VAPB: variants seen among roughly 807,000 people sequenced by gnomAD.
VAPB encodes vesicle-associated membrane protein-associated protein B/C.
VAPB carries 7 observed loss-of-function variants against 25.6 expected under a neutral mutation model. That is an observed-to-expected ratio of 0.27 (90% confidence interval 0.16 to 0.51). The LOEUF is 0.51. VAPB is among the 20% of genes least tolerant of loss of function. The probability of loss-of-function intolerance (pLI) is 0.97; values close to 1 mark genes in which losing one functional copy is unlikely to be tolerated. For synonymous variants in VAPB, 112 were observed against 109.2 expected (o/e 1.03, Z -0.16); for missense variants, 266 against 301.3 (o/e 0.88, Z 0.87).
intron 3 of VAPB, among the ~76,000 whole-genome samples, chr20:58,437,345 T>C (rs1164776242): frequency 6.6e-6 from 1 of 152,202 alleles, no homozygotes; most frequent in African/African-American, 2.4e-5. Context: ...ATTTATTTGA[T>C]TATTTCCTCA....
chr20:58,417,800 T>C (rs1988577072), intron 1 of VAPB, among the ~76,000 whole-genome samples: 1 of 152,234 alleles, frequency 6.6e-6, no homozygotes. Context: ...TTTCATATTG[T>C]TACTGTGGAA....
At chr20:58,426,881 A>T (rs939874324) in intron 2 of VAPB, among the ~76,000 whole-genome samples, 5 of 152,072 alleles carry the variant, frequency 3.3e-5, no homozygotes, top group African/African-American at 1.2e-4. Flanking sequence ...TTGTGAGATT[A>T]AAAAAAAGTG....
chr20:58,415,587 CA>C (rs764915529), intron 1 of VAPB, among the ~76,000 whole-genome samples: 65 of 152,208 alleles, frequency 4.3e-4, no homozygotes, highest in East Asian at 3.3e-3. Context: ...AGAGACACAT[CA>C]TTTTTTTTTA....
intron 1 of VAPB, among the ~76,000 whole-genome samples, chr20:58,390,672 GCACCGGACT>G (rs1401396033): frequency 9.8e-5 from 15 of 152,316 alleles, no homozygotes; most frequent in Admixed American, 1.3e-4. Flanking sequence ...TATATCGCTA[GCACCGGACT>G]CACAGTAGAT....
chr20:58,429,510 TG>T (rs1194359432), intron 2 of VAPB, among the ~76,000 whole-genome samples: 1 of 152,238 alleles, frequency 6.6e-6, no homozygotes, highest in Non-Finnish European at 1.5e-5. Flanking sequence ...GGCCTGGAGC[TG>T]TGCTGGTGAC....
At chr20:58,428,396 A>G (rs921728220) in intron 2 of VAPB, among the ~76,000 whole-genome samples, 2 of 152,242 alleles carry the variant, frequency 1.3e-5, no homozygotes, top group African/African-American at 2.4e-5. Context: ...CTTTATCATC[A>G]GTATTCACTT....
chr20:58,445,932 A>G lies in VAPB; in HGVS notation c.*1697A>G. On this transcript the variant is annotated 3_prime_UTR_variant, in exon 6 of 6. Transcript: ENST00000475243. ...GGTTTGAGAGGACAAGTTCATCAGA[A>G]GGAAGGCAGTCCTTAGAAGTCACAT... 2.2e-6 allele frequency: 1 copy of G among 454,092 alleles called. No homozygotes were observed. Among genetic ancestry groups the G allele is most frequent in the Non-Finnish European group, 4.4e-6 (1 of 226,784 alleles). The allele number at this position is 454,092 out of a possible 1,614,324, so 28.1% of individuals were successfully genotyped here. A position where few individuals can be genotyped will look rare whatever the true frequency, so the allele number is the denominator to read the frequency against.
At chr20:58,410,954 C>T (rs1988363636) in intron 1 of VAPB, among the ~76,000 whole-genome samples, 1 of 152,148 alleles carries the variant, frequency 6.6e-6, no homozygotes, top group Admixed American at 6.5e-5. Context: ...AATGCTTCTG[C>T]ATTTTGGCAG....
chr20:58,401,061 T>C (rs1988085586), intron 1 of VAPB, among the ~76,000 whole-genome samples: 1 of 152,226 alleles, frequency 6.6e-6, no homozygotes, highest in African/African-American at 2.4e-5. Flanking sequence ...CTAACCTCGC[T>C]CAGAGAAAAG....
chr20:58,410,188 C>T (rs1043316772), intron 1 of VAPB, among the ~76,000 whole-genome samples: 1 of 152,146 alleles, frequency 6.6e-6, no homozygotes, highest in African/African-American at 2.4e-5. Flanking sequence ...CTGAGAGGTA[C>T]ATTGGTTACC....
At chr20:58,421,066 G>C (rs1348545275) in intron 2 of VAPB, among the ~76,000 whole-genome samples, 1 of 152,184 alleles carries the variant, frequency 6.6e-6, no homozygotes, top group African/African-American at 2.4e-5. Context: ...GGCCAAGCTT[G>C]GTTTTACCCA....
At chr20:58,415,484 A>T (rs1486936459) in intron 1 of VAPB, among the ~76,000 whole-genome samples, 1 of 152,174 alleles carries the variant, frequency 6.6e-6, no homozygotes, top group Non-Finnish European at 1.5e-5. Flanking sequence ...CCCATTTCAC[A>T]TTTTAGATGC....
chr20:58,420,349 C>T (rs867073279), intron 2 of VAPB, among the ~76,000 whole-genome samples: 8 of 152,286 alleles, frequency 5.3e-5, no homozygotes, highest in South Asian at 2.1e-4. Flanking sequence ...AAAGTAAAAG[C>T]GAACTCTGCC....
chr20:58,437,547 C>G (rs191913930), intron 3 of VAPB, among the ~76,000 whole-genome samples: 76 of 152,332 alleles, frequency 5.0e-4, no homozygotes, highest in Non-Finnish European at 9.4e-4. Flanking sequence ...TCTGAGTCAT[C>G]TGATACTTTG....
In VAPB at chr20:58,395,687, C is replaced by A. The variant is rs186761996; in HGVS notation, c.58+6170C>A. 2.6e-5 allele frequency among the ~76,000 whole-genome samples: 4 copies of A among 152,272 alleles called. No homozygotes were observed. The East Asian group carries it at 5.8e-4, about 22-fold the overall frequency. On this transcript the variant is annotated intron_variant, in intron 1 of 5. Coordinates refer to ENST00000475243, the MANE Select transcript of VAPB (RefSeq NM_004738.5). The stretch of plus-strand genomic sequence containing the variant: ...AAAAACAAAGTTGCATTATGGTTTC[C>A]AGATTGGCATCCTTGTTTTTTTCTA...
In VAPB at chr20:58,447,509, C is replaced by T. The variant is rs553170533; in HGVS notation, c.*3274C>T. On this transcript the variant is annotated 3_prime_UTR_variant, in exon 6 of 6. Transcript: ENST00000475243. ...CTCCAGTGATCCGTGAAAACCTAAA[C>T]GCTTTCAAACAAATCCCAGGAACAG... 1.3e-3 allele frequency: 582 copies of T among 454,084 alleles called. No homozygotes were observed. The highest frequency in any genetic ancestry group is 2.0e-3 in the Non-Finnish European group (454 of 226,784). 28.1% of individuals were successfully genotyped at this position (454,084 alleles called of 1,614,324 possible).
At chr20:58,427,920 G>C (rs4811994) in intron 2 of VAPB, among the ~76,000 whole-genome samples, 3,342 of 53,218 alleles carry the variant, frequency 0.063, 839 homozygotes, top group East Asian at 0.18. Context: ...ATGATGCAGG[G>C]GAAAGTGATC....
intron 1 of VAPB, among the ~76,000 whole-genome samples, chr20:58,394,384 G>A (rs77203668): frequency 6.6e-6 from 1 of 152,248 alleles, no homozygotes; most frequent in Non-Finnish European, 1.5e-5. Context: ...TTATCTTTCA[G>A]ATGCCAAGTA....
At chr20:58,417,674 A>G (rs917885087) in intron 1 of VAPB, among the ~76,000 whole-genome samples, 36 of 152,194 alleles carry the variant, frequency 2.4e-4, no homozygotes, top group African/African-American at 8.7e-4. Context: ...GTTGAGAGTT[A>G]CTGTGTTTAT....
Sources: gnomAD v4.1 joint callset for allele counts (sites outside exome capture counted in the v4.1 genomes callset) on GRCh38, gnomAD v4.1.1 for gene constraint, MANE v1.5 for transcripts, NCBI Gene and HGNC (gene_info 2026-07-23, HGNC 2026-07-21) for gene names.